Variants in NXPH1 observed in about 807,000 individuals in gnomAD.
NXPH1 encodes neurexophilin-1.
Under a neutral mutation model 23.7 loss-of-function variants are expected in NXPH1, and 5 were observed. That is an observed-to-expected ratio of 0.21 (90% CI 0.11 to 0.44). The LOEUF is 0.44. Ranked by LOEUF, NXPH1 falls within the 20% of genes least tolerant of loss-of-function variation. The pLI is 0.99. For missense variants in NXPH1, 324 were observed against 321.6 expected (o/e 1.01, Z -0.06); for synonymous variants, 144 against 122.2 (o/e 1.18, Z -1.18).
At chr7:8,586,602 GA>G (rs1554258689) in intron 2 of NXPH1, among the ~76,000 whole-genome samples, 1 of 151,046 alleles carries the variant, frequency 6.6e-6, no homozygotes, top group Non-Finnish European at 1.5e-5. Flanking sequence ...CTGGGGGAAG[GA>G]ATGGCATGTT....
chr7:8,695,346 T>C (rs1821291633), intron 2 of NXPH1, among the ~76,000 whole-genome samples: 1 of 152,194 alleles, frequency 6.6e-6, no homozygotes, highest in South Asian at 2.1e-4. Context: ...CAATTAGTGA[T>C]TGATGGAGCC....
At chr7:8,598,198 T>C (rs1819271839) in intron 2 of NXPH1, among the ~76,000 whole-genome samples, 1 of 152,114 alleles carries the variant, frequency 6.6e-6, no homozygotes, top group African/African-American at 2.4e-5. Flanking sequence ...CATGAAATTG[T>C]TCAATTATTT....
intron 2 of NXPH1, among the ~76,000 whole-genome samples, chr7:8,663,719 A>G (rs1820717301): frequency 6.6e-6 from 1 of 152,128 alleles, no homozygotes; most frequent in Non-Finnish European, 1.5e-5. Flanking sequence ...GGGATCCAGC[A>G]TTAGCTTTCT....
At chr7:8,561,059 A>G (rs768531711) in intron 2 of NXPH1, among the ~76,000 whole-genome samples, 13 of 151,622 alleles carry the variant, frequency 8.6e-5, no homozygotes, top group Admixed American at 2.0e-4. Context: ...TGCAATTCTA[A>G]GCCGAAGGGC....
intron 2 of NXPH1, among the ~76,000 whole-genome samples, chr7:8,499,311 T>C (rs963721012): frequency 3.3e-5 from 5 of 152,046 alleles, no homozygotes; most frequent in Non-Finnish European, 5.9e-5. Context: ...CCCCCAGCTG[T>C]GACAGCTGTA....
At chr7:8,622,483 G>T (rs1378479081) in intron 2 of NXPH1, among the ~76,000 whole-genome samples, 2 of 152,098 alleles carry the variant, frequency 1.3e-5, no homozygotes, top group Non-Finnish European at 2.9e-5. Context: ...ATATGTATTG[G>T]AGTTACATTA....
chr7:8,728,662 A>G (rs1271676963), intron 2 of NXPH1, among the ~76,000 whole-genome samples: 1 of 151,158 alleles, frequency 6.6e-6, no homozygotes, highest in Non-Finnish European at 1.5e-5. Context: ...CGTATATTGA[A>G]CCAGCCTTGC....
intron 2 of NXPH1, among the ~76,000 whole-genome samples, chr7:8,443,743 C>T (rs1408777748): frequency 1.3e-5 from 2 of 152,234 alleles, no homozygotes; most frequent in Admixed American, 1.3e-4. Context: ...TCATTATTTT[C>T]CGTGGTTAGG....
intron 2 of NXPH1, among the ~76,000 whole-genome samples, chr7:8,538,204 T>A (rs1331867720): frequency 6.6e-6 from 1 of 151,920 alleles, no homozygotes; most frequent in African/African-American, 2.4e-5. Context: ...TAATATTAAA[T>A]GTCATGTGAC....
intron 2 of NXPH1, among the ~76,000 whole-genome samples, chr7:8,529,115 C>T (rs1477293287): frequency 1.3e-5 from 2 of 152,234 alleles, no homozygotes; most frequent in Admixed American, 6.5e-5. Flanking sequence ...TGCATTTACT[C>T]CTTCTCACCC....
At chr7:8,436,034 T>C (rs1484663631) in intron 2 of NXPH1, among the ~76,000 whole-genome samples, 3 of 151,358 alleles carry the variant, frequency 2.0e-5, no homozygotes, top group Non-Finnish European at 4.4e-5. Context: ...CCCAAGGAGG[T>C]AGTGAGATGG....
At chr7:8,519,513 G>A (rs952261886) in intron 2 of NXPH1, among the ~76,000 whole-genome samples, 2 of 152,080 alleles carry the variant, frequency 1.3e-5, no homozygotes, top group African/African-American at 2.4e-5. Context: ...GGGATTCCAA[G>A]GAAATAAAAG....
chr7:8,597,792 C>G (rs144715581), intron 2 of NXPH1, among the ~76,000 whole-genome samples: 24 of 152,136 alleles, frequency 1.6e-4, no homozygotes, highest in Non-Finnish European at 4.4e-5. Context: ...ACCAGTCATT[C>G]TTTAGCTACT....
At chr7:8,543,933 T>A (rs573570519) in intron 2 of NXPH1, among the ~76,000 whole-genome samples, 1 of 151,714 alleles carries the variant, frequency 6.6e-6, no homozygotes, top group African/African-American at 2.4e-5. Flanking sequence ...TAGAATTAAT[T>A]TAGCTCGGTT....
At chr7:8,707,147 T>C (rs542782555) in intron 2 of NXPH1, among the ~76,000 whole-genome samples, 3 of 152,350 alleles carry the variant, frequency 2.0e-5, no homozygotes, top group South Asian at 2.1e-4. Flanking sequence ...TTGACTTCCA[T>C]CTTTAATTTG....
chr7:8,629,218 C>T (rs1264343363), intron 2 of NXPH1, among the ~76,000 whole-genome samples: 1 of 151,900 alleles, frequency 6.6e-6, no homozygotes, highest in African/African-American at 2.4e-5. Context: ...AATATGTAAA[C>T]ACAAATATTA....
At position 8,477,851 on chromosome 7, in the gene NXPH1, C is replaced by T. The variant is rs146791661; in HGVS notation, c.54+42084C>T. ...TATTGTAGAGAAAGATTGAGAACCA[C>T]GTAAGCTGATTGTCCAGGGACTTTA... is the stretch of plus-strand genomic sequence containing the variant. On this transcript the variant is annotated intron_variant, in intron 2 of 2. Transcript: ENST00000405863. 7.9e-4 allele frequency among the ~76,000 whole-genome samples: 120 copies of T among 152,242 alleles called. 1 individual carries two copies. The Middle Eastern group carries it at 0.02, about 26-fold the overall frequency.
chr7:8,702,724 G>A (rs1415591327), intron 2 of NXPH1, among the ~76,000 whole-genome samples: 1 of 151,958 alleles, frequency 6.6e-6, no homozygotes, highest in Admixed American at 6.6e-5. Context: ...CTGCTAGGAA[G>A]GCATAGGTGG....
chr7:8,442,593 A>G lies in NXPH1; in HGVS notation c.54+6826A>G, dbSNP rs980436752. On this transcript the variant is annotated intron_variant, in intron 2 of 2. Coordinates refer to ENST00000405863, the MANE Select transcript of NXPH1 (RefSeq NM_152745.3). The surrounding 1 kb of genome is among the most constrained non-coding windows in gnomAD (Gnocchi z 4.6). The stretch of plus-strand genomic sequence containing the variant: ...CCTTCGTCTTCTACAAGAAGCAAGA[A>G]ACTTTTTTCGACGTAGGCTTCATAC... Among the ~76,000 whole-genome samples the G allele has an allele frequency of 1.4e-4, 21 of 152,218 alleles. No homozygotes were observed. The highest frequency in any genetic ancestry group is 2.8e-4 in the Non-Finnish European group (19 of 68,040).
Sources: allele counts gnomAD v4.1 joint callset (sites outside exome capture counted in the v4.1 genomes callset), GRCh38; gene constraint gnomAD v4.1.1; non-coding constraint Gnocchi (gnomAD v3.1); transcripts MANE v1.5; gene names NCBI Gene and HGNC (gene_info 2026-07-23, HGNC 2026-07-21).